HIVEP3: variants seen among roughly 807,000 people sequenced by gnomAD.
HIVEP3 encodes transcription factor HIVEP3.
HIVEP3 carries 49 observed loss-of-function variants against 152.8 expected under a neutral mutation model. The observed-to-expected ratio is 0.32, with a 90% confidence interval of 0.26 to 0.41. HIVEP3 has a LOEUF of 0.41. HIVEP3 is among the 10% of genes least tolerant of loss of function. The probability of loss-of-function intolerance (pLI) is 1.00; values close to 1 mark genes in which losing one functional copy is unlikely to be tolerated. For synonymous variants in HIVEP3, 1,269 were observed against 1,289.0 expected, an observed-to-expected ratio of 0.98 and a Z score of 0.33; for missense variants, 2,790 against 3,103.3, an observed-to-expected ratio of 0.90 and a Z score of 2.40.
chr1:41,860,994 A>T (rs1643880461), intron 1 of HIVEP3, among the ~76,000 whole-genome samples: 1 of 152,226 alleles, frequency 6.6e-6, no homozygotes, highest in South Asian at 2.1e-4. Context: ...TGGCAACGTG[A>T]TTAAAATCCC....
intron 1 of HIVEP3, among the ~76,000 whole-genome samples, chr1:41,771,150 A>G (rs1428314587): frequency 6.6e-6 from 1 of 152,188 alleles, no homozygotes; most frequent in African/African-American, 2.4e-5. Flanking sequence ...CAATGATGAA[A>G]ATAAAATTGG....
chr1:41,619,870 G>C lies in HIVEP3; in HGVS notation c.-522+8879C>G, dbSNP rs538505643. Among the ~76,000 whole-genome samples, 64 of 152,254 alleles carry C rather than the reference G, an allele frequency of 4.2e-4. 2 individuals carry two copies. The highest frequency in any genetic ancestry group is 1.2e-3 in the Admixed American group (18 of 15,294). On this transcript the variant is annotated intron_variant, in intron 3 of 8. Coordinates refer to ENST00000372583, the MANE Select transcript of HIVEP3 (RefSeq NM_024503.5). ...AATTCGCAGAGGTAGCCCCAGAGAG[G>C]CTGCTCAGATTAGGCTGCAGTGAGC...
chr1:41,899,380 A>G (rs571634532), intron 1 of HIVEP3, among the ~76,000 whole-genome samples: 387 of 152,292 alleles, frequency 2.5e-3, no homozygotes, highest in Non-Finnish European at 4.6e-3. Context: ...GAAAACAAAC[A>G]TTTGTCAAAT....
intron 5 of HIVEP3, among the ~76,000 whole-genome samples, chr1:41,554,639 G>T (rs140650124): frequency 6.6e-6 from 1 of 152,124 alleles, no homozygotes; most frequent in Non-Finnish European, 1.5e-5. Context: ...TCTACCTTTG[G>T]TCTTTGATGA....
At chr1:41,563,425 A>AC (rs1644112614) in intron 5 of HIVEP3, among the ~76,000 whole-genome samples, 2 of 151,816 alleles carry the variant, frequency 1.3e-5, no homozygotes, top group African/African-American at 4.8e-5. Context: ...GGCTGCAGAG[A>AC]CCCCTCCTTC....
intron 1 of HIVEP3, among the ~76,000 whole-genome samples, chr1:41,881,319 TGAG>T (rs1350406320): frequency 6.6e-6 from 1 of 152,194 alleles, no homozygotes; most frequent in Non-Finnish European, 1.5e-5. Flanking sequence ...CCTTTGAAGA[TGAG>T]GAGGAGTTAG....
At chr1:41,735,977 C>G (rs192006330) in intron 1 of HIVEP3, among the ~76,000 whole-genome samples, 1 of 152,204 alleles carries the variant, frequency 6.6e-6, no homozygotes, top group East Asian at 1.9e-4. Context: ...TTAGCCCCAC[C>G]ATCAAAGTGA....
rs189251427 is a variant in HIVEP3, at chr1:41,628,506, G to A, written c.-522+243C>T. ...GGAAACTGAGGTACTGGGAGGGGGC[G>A]GACTGCATTTCATGGGAGACAGCAT... On this transcript the variant is annotated intron_variant, in intron 3 of 8. Coordinates refer to ENST00000372583, the MANE Select transcript of HIVEP3 (RefSeq NM_024503.5). Among the ~76,000 whole-genome samples, 1,160 of 152,240 alleles carry A rather than the reference G, an allele frequency of 7.6e-3. 9 individuals are homozygous for A. Among genetic ancestry groups the A allele is most frequent in the Non-Finnish European group, 0.013 (870 of 68,018 alleles).
At chr1:41,621,133 G>A (rs113960869) in intron 3 of HIVEP3, among the ~76,000 whole-genome samples, 5 of 152,310 alleles carry the variant, frequency 3.3e-5, no homozygotes, top group East Asian at 1.9e-4. Flanking sequence ...GGCATCACCC[G>A]GCTTCCTACA....
At chr1:41,674,073 T>A (rs995176946) in intron 2 of HIVEP3, among the ~76,000 whole-genome samples, 1 of 152,136 alleles carries the variant, frequency 6.6e-6, no homozygotes, top group African/African-American at 2.4e-5. Flanking sequence ...GGGGCCGACC[T>A]CCCCAGAGGG....
chr1:41,560,800 G>T (rs1194252780), intron 5 of HIVEP3, among the ~76,000 whole-genome samples: 1 of 152,180 alleles, frequency 6.6e-6, no homozygotes, highest in African/African-American at 2.4e-5. Context: ...TGGAGACTTG[G>T]CATCTCCTTT....
intron 3 of HIVEP3, among the ~76,000 whole-genome samples, chr1:41,616,921 A>G (rs1005328966): frequency 2.0e-5 from 3 of 152,222 alleles, no homozygotes; most frequent in Admixed American, 1.3e-4. Flanking sequence ...GCTCCTAACA[A>G]GCTTAAAGGA....
At chr1:41,722,403 G>GCCTTCCTTCCTTCCTTCCTTCCTT (rs374319014) in intron 1 of HIVEP3, among the ~76,000 whole-genome samples, 12 of 113,054 alleles carry the variant, frequency 1.1e-4, no homozygotes, top group African/African-American at 3.3e-4. Context: ...AATTTGGCTG[G>GCCTTCCTTCCTTCCTTCCTTCCTT]CCTTCCTTCC....
intron 1 of HIVEP3, among the ~76,000 whole-genome samples, chr1:41,733,472 T>A (rs1214799738): frequency 6.6e-6 from 1 of 152,182 alleles, no homozygotes; most frequent in Non-Finnish European, 1.5e-5. Context: ...CCATCCAGCC[T>A]CTCCCTATAT....
At chr1:41,860,265 C>G (rs1312025343) in intron 1 of HIVEP3, among the ~76,000 whole-genome samples, 1 of 152,204 alleles carries the variant, frequency 6.6e-6, no homozygotes, top group African/African-American at 2.4e-5. Flanking sequence ...TTCCTTAAAT[C>G]TCCCCCTTGA....
chr1:41,623,707 C>T (rs1275835188), intron 3 of HIVEP3, among the ~76,000 whole-genome samples: 1 of 152,196 alleles, frequency 6.6e-6, no homozygotes, highest in East Asian at 1.9e-4. Flanking sequence ...ATCCCAGCCA[C>T]CACCATCCAG....
intron 1 of HIVEP3, among the ~76,000 whole-genome samples, chr1:42,010,014 C>T (rs947456038): frequency 6.6e-6 from 1 of 152,048 alleles, no homozygotes; most frequent in African/African-American, 2.4e-5. Flanking sequence ...ACTGCCTCAG[C>T]CTCCTGAGTA....
chr1:41,812,793 G>A (rs1041899113), intron 1 of HIVEP3, among the ~76,000 whole-genome samples: 2 of 151,108 alleles, frequency 1.3e-5, no homozygotes, highest in Non-Finnish European at 2.9e-5. Flanking sequence ...CTTCCCTGAG[G>A]GTGCACTCCT....
chr1:41,570,874 AAC>A (rs1644242131), intron 5 of HIVEP3, among the ~76,000 whole-genome samples: 1 of 152,174 alleles, frequency 6.6e-6, no homozygotes, highest in South Asian at 2.1e-4. Context: ...GGAGGTGAGC[AAC>A]ACAGTCACCT....
Sources: allele counts gnomAD v4.1 joint callset (sites outside exome capture counted in the v4.1 genomes callset), GRCh38; gene constraint gnomAD v4.1.1; transcripts MANE v1.5; gene names NCBI Gene and HGNC (gene_info 2026-07-23, HGNC 2026-07-21).